ARHGEF6: variants seen among roughly 807,000 people sequenced by gnomAD.
ARHGEF6 encodes Rac/Cdc42 guanine nucleotide exchange factor 6.
In ARHGEF6, 9 loss-of-function variants were observed where a neutral mutation model predicts 70.3. The observed-to-expected ratio is 0.13, with a 90% confidence interval of 0.08 to 0.22. The LOEUF is 0.22. ARHGEF6 is among the 10% of genes least tolerant of loss of function. The probability of loss-of-function intolerance (pLI) is 1.00; values close to 1 mark genes in which losing one functional copy is unlikely to be tolerated. For missense variants in ARHGEF6, 470 were observed against 563.0 expected, an observed-to-expected ratio of 0.83 and a Z score of 1.67; for synonymous variants, 201 against 207.8, an observed-to-expected ratio of 0.97 and a Z score of 0.28.
chrX:136,683,349 G>C (rs1029193898), intron 12 of ARHGEF6, among the ~76,000 whole-genome samples: 1 of 109,680 alleles, frequency 9.1e-6, no homozygotes, highest in African/African-American at 3.5e-5. Context: ...AAACATAAAA[G>C]TAGATACACT....
chrX:136,690,659 C>T lies in ARHGEF6; in HGVS notation c.1136G>A (p.Arg379Gln), dbSNP rs752815354. The T allele has an allele frequency of 1.4e-5, 17 of 1,208,452 alleles. No homozygotes were observed. The highest frequency in any genetic ancestry group is 1.5e-5 in the Non-Finnish European group (13 of 894,611). ...LTTNLSKPFM[R>Q]LEKYVTLLQE... The stretch of plus-strand genomic sequence containing the variant: ...CAAGAGAGTAACATATTTCTCCAGT[C>T]GCATGAATGGTTTGCTGAGGTTTGT... Residue 379 changes from arginine to glutamine, a missense_variant, in exon 10 of 22, where the codon CGA (arginine) becomes CAA (glutamine). Physicochemically the swap from Arg to Gln is conservative, Grantham distance 43. Transcript: ENST00000250617.
At chrX:136,699,470 G>A (rs1005922601) in intron 9 of ARHGEF6, among the ~76,000 whole-genome samples, 4 of 111,300 alleles carry the variant, frequency 3.6e-5, no homozygotes, top group Non-Finnish European at 7.5e-5. Flanking sequence ...CTCTGACATC[G>A]AAAGAGCTTG....
chrX:136,738,378 C>A (rs1283934367), intron 5 of ARHGEF6, among the ~76,000 whole-genome samples: 2 of 111,712 alleles, frequency 1.8e-5, no homozygotes, highest in East Asian at 5.6e-4. Context: ...CACACACAAC[C>A]TCTGCCTCCT....
chrX:136,742,472 C>T (rs5975787), intron 5 of ARHGEF6, among the ~76,000 whole-genome samples: 1,340 of 111,884 alleles, frequency 0.012, 21 homozygotes, highest in African/African-American at 0.042. Flanking sequence ...AAATAATGCG[C>T]TGAGCTAACC....
At chrX:136,678,439 T>C (rs1163302637) in intron 16 of ARHGEF6, among the ~76,000 whole-genome samples, 2 of 111,980 alleles carry the variant, frequency 1.8e-5, no homozygotes, top group African/African-American at 3.2e-5. Context: ...TTGCAAGAAT[T>C]GCACGTAAAT....
chrX:136,754,965 G>A (rs758467636), intron 2 of ARHGEF6, among the ~76,000 whole-genome samples: 1 of 111,629 alleles, frequency 9.0e-6, no homozygotes, highest in African/African-American at 3.3e-5. Flanking sequence ...TTAGAAACAG[G>A]GACTGACTCC....
At chrX:136,685,575 C>G in intron 12 of ARHGEF6, 102 bp downstream of exon 12, 1 of 1,014,857 alleles carries the variant, frequency 9.9e-7, no homozygotes, top group Non-Finnish European at 1.3e-6. Flanking sequence ...CCACTGCACT[C>G]CAGCCTGAGT....
intron 5 of ARHGEF6, among the ~76,000 whole-genome samples, chrX:136,739,861 T>C (rs779450154): frequency 1.8e-5 from 2 of 110,910 alleles, no homozygotes; most frequent in African/African-American, 6.6e-5. Flanking sequence ...CCAGTGTGGC[T>C]AAAGTGGAAT....
intron 7 of ARHGEF6, among the ~76,000 whole-genome samples, chrX:136,711,958 C>T (rs2076689815): frequency 8.9e-6 from 1 of 112,744 alleles, no homozygotes; most frequent in Non-Finnish European, 1.9e-5. Flanking sequence ...AGTAGATTTC[C>T]ATAGTGCCAG....
chrX:136,707,177 T>C (rs1304072231), intron 8 of ARHGEF6, 147 bp from the exon 9 acceptor site: 15 of 705,915 alleles, frequency 2.1e-5, no homozygotes, highest in Non-Finnish European at 3.1e-5. Context: ...ATTTTACCCA[T>C]GAAACTCAAA....
intron 5 of ARHGEF6, among the ~76,000 whole-genome samples, chrX:136,742,268 G>A (rs990269135): frequency 1.1e-4 from 12 of 111,548 alleles, no homozygotes; most frequent in Admixed American, 3.8e-4. Flanking sequence ...GCAGCAAGCC[G>A]AGATTGCGCC....
At chrX:136,676,597 A>G in intron 18 of ARHGEF6, 27 bp downstream of exon 18, 1 of 1,086,682 alleles carries the variant, frequency 9.2e-7, no homozygotes, top group Non-Finnish European at 1.3e-6. Context: ...ATCCATAAAC[A>G]ACTTTCAGAA....
At chrX:136,767,421 C>T in intron 2 of ARHGEF6, 1 of 755,181 alleles carries the variant, frequency 1.3e-6, no homozygotes, top group Non-Finnish European at 1.6e-6. Context: ...GGAGGGGGCG[C>T]CCGTCTCCAA....
At chrX:136,704,533 T>A (rs1051552608) in intron 9 of ARHGEF6, among the ~76,000 whole-genome samples, 1 of 112,063 alleles carries the variant, frequency 8.9e-6, no homozygotes, top group African/African-American at 3.2e-5. Flanking sequence ...GGAGGTTTAA[T>A]TGACTCACCA....
chrX:136,748,451 T>A (rs1438448495), intron 2 of ARHGEF6, among the ~76,000 whole-genome samples: 1 of 112,752 alleles, frequency 8.9e-6, no homozygotes, highest in Non-Finnish European at 1.9e-5. Context: ...ACCTGTTACC[T>A]TTGAAATGTA....
At chrX:136,741,525 CTTT>C (rs151204948) in intron 5 of ARHGEF6, among the ~76,000 whole-genome samples, 1 of 96,335 alleles carries the variant, frequency 1.0e-5, no homozygotes. Context: ...ATTTTCTTTT[CTTT>C]TTTTTTTTTT....
intron 10 of ARHGEF6, 138 bp downstream of exon 10, chrX:136,690,472 G>T: frequency 1.5e-6 from 1 of 659,024 alleles, no homozygotes; most frequent in South Asian, 2.8e-5. Flanking sequence ...CTGAGAAGAG[G>T]GAAGAACAGA....
At chrX:136,686,599 T>TATATATATATATATATATATATACAC (rs1333551878) in intron 11 of ARHGEF6, among the ~76,000 whole-genome samples, 305 of 71,618 alleles carry the variant, frequency 4.3e-3, no homozygotes, top group Non-Finnish European at 5.7e-3. Flanking sequence ...TGTGTGTATA[T>TATATATATATATATATATATATACAC]ATATATATAT....
intron 3 of ARHGEF6, among the ~76,000 whole-genome samples, chrX:136,747,031 A>C (rs748615666): frequency 4.5e-5 from 5 of 111,843 alleles, no homozygotes; most frequent in African/African-American, 6.5e-5. Context: ...AAACATTTAA[A>C]TAAAAGATAT....
Sources: gnomAD v4.1 joint callset for allele counts (sites outside exome capture counted in the v4.1 genomes callset) on GRCh38, gnomAD v4.1.1 for gene constraint, MANE v1.5 for transcripts, NCBI Gene and HGNC (gene_info 2026-07-23, HGNC 2026-07-21) for gene names.